Variants in DIS3L2 observed in about 807,000 individuals in gnomAD.
The protein encoded by DIS3L2 is DIS3 like 3'-5' exoribonuclease 2, also known as DIS3-like exonuclease 2.
DIS3L2 carries 34 observed loss-of-function variants against 97.5 expected under a neutral mutation model. The observed-to-expected ratio is 0.35, with a 90% CI of 0.27 to 0.46. The LOEUF is 0.46. Among genes scored for constraint, DIS3L2 ranks in the 20% least tolerant of loss-of-function variants. The pLI is 1.00. For synonymous variants in DIS3L2, 435 were observed against 445.2 expected (o/e 0.98, Z 0.29); for missense variants, 1,038 against 1,146.0 (o/e 0.91, Z 1.36).
intron 8 of DIS3L2, among the ~76,000 whole-genome samples, chr2:232,146,000 G>A (rs1690205152): frequency 6.6e-6 from 1 of 152,170 alleles, no homozygotes; most frequent in Non-Finnish European, 1.5e-5. Flanking sequence ...CCAAAGGATA[G>A]GGACAGTACT....
intron 3 of DIS3L2, among the ~76,000 whole-genome samples, chr2:232,016,808 C>T (rs913917533): frequency 6.6e-5 from 10 of 151,956 alleles, no homozygotes; most frequent in Admixed American, 3.9e-4. Flanking sequence ...GTTCCATTTT[C>T]TCTTATTCTG....
At chr2:232,332,771 G>A (rs1261380595) in intron 16 of DIS3L2, among the ~76,000 whole-genome samples, 2 of 152,224 alleles carry the variant, frequency 1.3e-5, no homozygotes, top group Non-Finnish European at 2.9e-5. Flanking sequence ...TCCCTTGACT[G>A]CTGTGGGGTG....
intron 5 of DIS3L2, among the ~76,000 whole-genome samples, chr2:232,067,059 TATCA>T (rs1316037057): frequency 6.6e-6 from 1 of 152,132 alleles, no homozygotes; most frequent in Non-Finnish European, 1.5e-5. Flanking sequence ...TGGAAGATTT[TATCA>T]ATCTTTTCAT....
intron 6 of DIS3L2, among the ~76,000 whole-genome samples, chr2:232,092,441 AGT>A (rs772697654): frequency 1.6e-4 from 24 of 151,486 alleles, no homozygotes; most frequent in Non-Finnish European, 2.5e-4. Flanking sequence ...TTCTATGAAG[AGT>A]GTCATTGGTA....
At chr2:231,988,127 G>A (rs1693473885) in intron 1 of DIS3L2, among the ~76,000 whole-genome samples, 1 of 152,222 alleles carries the variant, frequency 6.6e-6, no homozygotes, top group East Asian at 1.9e-4. Flanking sequence ...ATAGGCGTGA[G>A]CCACCGCACC....
At chr2:232,340,282 C>A (rs562994564), downstream of DIS3L2, among the ~76,000 whole-genome samples, 6 of 152,310 alleles carry the variant, frequency 3.9e-5, no homozygotes, top group East Asian at 1.2e-3. Context: ...AAGCCAGCAG[C>A]AGCAACAGCT....
At chr2:232,123,747 A>T (rs547013160) in intron 6 of DIS3L2, among the ~76,000 whole-genome samples, 1 of 152,338 alleles carries the variant, frequency 6.6e-6, no homozygotes, top group South Asian at 2.1e-4. Flanking sequence ...TTAAAATTGG[A>T]ATTGATAAGA....
chr2:232,019,929 G>A lies in DIS3L2; in HGVS notation c.210+4258G>A, dbSNP rs1039675937. Among the ~76,000 whole-genome samples, 3 of 152,026 alleles carry A rather than the reference G, an allele frequency of 2.0e-5. No homozygotes were observed. In the East Asian group the frequency reaches 5.8e-4, roughly 29 times the overall value. On this transcript the variant is annotated intron_variant, in intron 3 of 20. Coordinates refer to ENST00000325385, the MANE Select transcript of DIS3L2 (RefSeq NM_152383.5). ...AATTAGAGAGAGCCTCTTTAGTAGG[G>A]TCGTTAGGGAAAGCCTCTGTGAGAT...
intron 6 of DIS3L2, among the ~76,000 whole-genome samples, chr2:232,103,162 A>T (rs1018850384): frequency 1.3e-5 from 2 of 152,140 alleles, no homozygotes; most frequent in Non-Finnish European, 2.9e-5. Flanking sequence ...TATTTCTAAT[A>T]ATTTTGTAGT....
At chr2:232,274,535 C>T (rs570088659) in intron 13 of DIS3L2, among the ~76,000 whole-genome samples, 1 of 152,306 alleles carries the variant, frequency 6.6e-6, no homozygotes, top group African/African-American at 2.4e-5. Flanking sequence ...TTTCATTGTT[C>T]AGTGAGCTGG....
At chr2:232,029,524 AAGTC>A (rs1694746630) in intron 4 of DIS3L2, among the ~76,000 whole-genome samples, 1 of 151,996 alleles carries the variant, frequency 6.6e-6, no homozygotes, top group South Asian at 2.1e-4. Flanking sequence ...CGGTGGTCCT[AAGTC>A]AGCAAGGTCG....
chr2:232,263,346 G>A lies in DIS3L2; in HGVS notation c.1565G>A (p.Ser522Asn), dbSNP rs532703173. The change falls in exon 13 of 21, where the codon AGC (serine) becomes AAC (asparagine). Residue 522 changes from serine to asparagine, a missense_variant. This residue lies in a region of DIS3L2 where 813 missense variants were observed against 880.1 expected (regional missense o/e 0.92). Coordinates refer to ENST00000325385, the MANE Select transcript of DIS3L2 (RefSeq NM_152383.5). ...CCCCCCATTTCCCCAGAGCATAGCA[G>A]CGAGGAGGTACACCAGGCCGTCTTG... Reference protein sequence around the residue: ...ELPPISPEHSSEEVHQAVLNL... With the variant: ...ELPPISPEHSNEEVHQAVLNL... 1 of 1,614,216 alleles carries A rather than the reference G, an allele frequency of 6.2e-7. No homozygotes were observed. The highest frequency in any genetic ancestry group is 8.5e-7 in the Non-Finnish European group (1 of 1,180,040).
chr2:232,015,762 C>G, intron 3 of DIS3L2, 91 bp downstream of exon 3: 1 of 1,452,268 alleles, frequency 6.9e-7, no homozygotes, highest in Non-Finnish European at 9.3e-7. Flanking sequence ...TATATGCTTT[C>G]AGAGAGACGA....
chr2:231,996,268 G>C (rs1693728359), intron 1 of DIS3L2, among the ~76,000 whole-genome samples: 1 of 152,158 alleles, frequency 6.6e-6, no homozygotes, highest in Non-Finnish European at 1.5e-5. Flanking sequence ...ATTTTATGCT[G>C]TCTTATTTTA....
chr2:232,212,793 A>AG (rs563685360), intron 10 of DIS3L2, among the ~76,000 whole-genome samples: 6 of 152,096 alleles, frequency 3.9e-5, no homozygotes, highest in African/African-American at 1.2e-4. Context: ...CAAAATCAAT[A>AG]GGGGGGGTTG....
rs16828638 is a variant in DIS3L2, at chr2:232,141,633, T to C, written c.950+4914T>C. 6.8e-3 allele frequency among the ~76,000 whole-genome samples: 1,035 copies of C among 152,140 alleles called. 16 individuals carry two copies. The highest frequency in any genetic ancestry group is 0.024 in the African/African-American group (980 of 41,502). On this transcript the variant is annotated intron_variant, in intron 8 of 20. Coordinates refer to ENST00000325385, the MANE Select transcript of DIS3L2 (RefSeq NM_152383.5). Reference sequence around the variant, plus strand: ...TGAGTGTGAAGGACAGCAGGTTCCATTGGAGCAGATGACGGAGTGAGGTGA... The same window carrying C: ...TGAGTGTGAAGGACAGCAGGTTCCACTGGAGCAGATGACGGAGTGAGGTGA...
intron 14 of DIS3L2, among the ~76,000 whole-genome samples, chr2:232,322,732 G>T (rs923889017): frequency 4.6e-5 from 7 of 152,362 alleles, no homozygotes; most frequent in African/African-American, 1.7e-4. Flanking sequence ...CCTTGGTAAC[G>T]TGTGGGTGTA....
At chr2:232,101,641 G>A (rs977172643) in intron 6 of DIS3L2, among the ~76,000 whole-genome samples, 1 of 152,114 alleles carries the variant, frequency 6.6e-6, no homozygotes, top group Admixed American at 6.5e-5. Context: ...TTATGCAGTT[G>A]GTAAGTATAC....
intron 14 of DIS3L2, among the ~76,000 whole-genome samples, chr2:232,315,798 A>G (rs1187142724): frequency 6.6e-6 from 1 of 152,212 alleles, no homozygotes; most frequent in Non-Finnish European, 1.5e-5. Flanking sequence ...GAATTAAGCA[A>G]GAGGAAGTGG....
Sources: gnomAD v4.1 joint callset for allele counts (sites outside exome capture counted in the v4.1 genomes callset) on GRCh38, gnomAD v4.1.1 for gene constraint, gnomAD v4.1.1 regional missense constraint, MANE v1.5 for transcripts, NCBI Gene and HGNC (gene_info 2026-07-23, HGNC 2026-07-21) for gene names.